Variants in PAPPA2 observed in about 807,000 individuals in gnomAD.
The protein encoded by PAPPA2 is pappalysin 2.
A neutral mutation model predicts 176.4 loss-of-function variants in PAPPA2; 86 were observed. That is an observed-to-expected ratio of 0.49 (90% confidence interval 0.41 to 0.58). PAPPA2 has a LOEUF of 0.58. PAPPA2 is among the 20% of genes least tolerant of loss of function. The pLI is 0.00. For missense variants in PAPPA2, 2,073 were observed against 2,256.9 expected, an observed-to-expected ratio of 0.92 and a Z score of 1.65; for synonymous variants, 809 against 852.2, an observed-to-expected ratio of 0.95 and a Z score of 0.88.
chr1:176,708,007 G>A (rs777502018), intron 10 of PAPPA2, among the ~76,000 whole-genome samples: 10 of 151,980 alleles, frequency 6.6e-5, no homozygotes, highest in South Asian at 6.2e-4. Flanking sequence ...ACATCGAACC[G>A]ATTACCTCCC....
chr1:176,523,270 TCTC>T (rs1348942591), intron 1 of PAPPA2, among the ~76,000 whole-genome samples: 1 of 152,172 alleles, frequency 6.6e-6, no homozygotes, highest in African/African-American at 2.4e-5. Flanking sequence ...ACCTCCACTT[TCTC>T]CTCCCAATTT....
chr1:176,674,747 T>C (rs1030966578), intron 4 of PAPPA2, among the ~76,000 whole-genome samples: 3 of 151,876 alleles, frequency 2.0e-5, no homozygotes, highest in Non-Finnish European at 4.4e-5. Context: ...TTTTTTTTTT[T>C]TTCTTTTCTC....
intron 3 of PAPPA2, among the ~76,000 whole-genome samples, chr1:176,630,788 G>A (rs776837434): frequency 3.3e-5 from 5 of 152,192 alleles, no homozygotes; most frequent in Non-Finnish European, 7.3e-5. Context: ...ATAAAGAATT[G>A]ATGAGAAGCA....
chr1:176,570,344 G>C (rs1304314398), intron 2 of PAPPA2, among the ~76,000 whole-genome samples: 2 of 152,102 alleles, frequency 1.3e-5, no homozygotes, highest in African/African-American at 4.8e-5. Context: ...ACAGTTCCTA[G>C]CTGAGTTTAT....
chr1:176,740,587 C>CA (rs1219278466), intron 14 of PAPPA2, among the ~76,000 whole-genome samples: 1 of 152,114 alleles, frequency 6.6e-6, no homozygotes, highest in African/African-American at 2.4e-5. Flanking sequence ...GTGTATATAG[C>CA]AAGTTTAACA....
chr1:176,725,202 A>G (rs1303808311), intron 12 of PAPPA2, among the ~76,000 whole-genome samples: 1 of 152,232 alleles, frequency 6.6e-6, no homozygotes, highest in Non-Finnish European at 1.5e-5. Context: ...TATAATTTTC[A>G]TATTATTCAT....
At chr1:176,632,534 A>T (rs1656407238) in intron 3 of PAPPA2, among the ~76,000 whole-genome samples, 1 of 152,156 alleles carries the variant, frequency 6.6e-6, no homozygotes, top group African/African-American at 2.4e-5. Context: ...GTCTCAAAAA[A>T]AATAAAAAAT....
At chr1:176,648,017 T>C (rs973274176) in intron 3 of PAPPA2, among the ~76,000 whole-genome samples, 1 of 151,638 alleles carries the variant, frequency 6.6e-6, no homozygotes, top group Non-Finnish European at 1.5e-5. Flanking sequence ...ATTGAATCTG[T>C]CTATTGCTTT....
chr1:176,702,997 C>A (rs1484635612), intron 9 of PAPPA2, among the ~76,000 whole-genome samples: 1 of 152,078 alleles, frequency 6.6e-6, no homozygotes, highest in Non-Finnish European at 1.5e-5. Context: ...TTATAGCTAA[C>A]CCCAGAGTAT....
Position 176,695,966 on chromosome 1 carries a change from ATGTGTGTG to A in PAPPA2, c.2746+141_2746+148del, listed in dbSNP as rs67178111. On this transcript the variant is annotated intron_variant, in intron 7 of 22. Transcript: ENST00000367662. ...GGTGACAAAAAGGCAATGTATGTGT[ATGTGTGTG>A]TGTGTGTGTGTGTGTGTGTGTGTGT... 1,922 of 865,370 alleles carry A rather than the reference ATGTGTGTG, an allele frequency of 2.2e-3. 3 individuals carry two copies. Among genetic ancestry groups the A allele is most frequent in the Middle Eastern group, 6.4e-3 (17 of 2,660 alleles). The allele number at this position is 865,370 out of a possible 1,614,324, so 53.6% of individuals were successfully genotyped here.
rs1199656599 is a variant in PAPPA2 at position 176,690,002 on chromosome 1, G to A, written c.2138-135G>A. The A allele has an allele frequency of 9.0e-6, 7 of 774,778 alleles. No homozygotes were observed. In the South Asian group the frequency reaches 9.4e-5, roughly 10 times the overall value. The allele number at this position is 774,778 out of a possible 1,614,324, so 48.0% of individuals were successfully genotyped here. A position where few individuals can be genotyped will look rare whatever the true frequency, so the allele number is the denominator to read the frequency against. On this transcript the variant is annotated intron_variant, in intron 4 of 22. Coordinates refer to ENST00000367662, the MANE Select transcript of PAPPA2 (RefSeq NM_020318.3). Reference sequence around the variant, plus strand: ...GTGGCAAGAAAGAAAAGCAATGACTGTATGTTACCAGAAGTTATAAAGTGA... The same window carrying A: ...GTGGCAAGAAAGAAAAGCAATGACTATATGTTACCAGAAGTTATAAAGTGA...
rs151114694 is a variant in PAPPA2 at position 176,556,706 on chromosome 1, A to G, written c.384A>G (p.Pro128=). The part of the protein sequence containing the change: ...LRGAVEEPAA[P]WVGDSPIGQS... The stretch of plus-strand genomic sequence containing the variant: ...GTGCAGTTGAAGAGCCGGCTGCCCC[A>G]TGGGTAGGGGATAGTCCTATTGGGC... Residue 128 remains proline (P), a synonymous_variant, in exon 2 of 23, where the codon CCA becomes CCG. Transcript: ENST00000367662. 1.3e-4 allele frequency: 213 copies of G among 1,614,070 alleles called. 1 individual carries two copies. In the African/African-American group the frequency reaches 2.3e-3, roughly 18 times the overall value.
chr1:176,725,619 A>G (rs1282653415), intron 12 of PAPPA2, among the ~76,000 whole-genome samples: 1 of 152,178 alleles, frequency 6.6e-6, no homozygotes, highest in African/African-American at 2.4e-5. Flanking sequence ...AACTGATTGG[A>G]CATAAGGAGA....
intron 17 of PAPPA2, among the ~76,000 whole-genome samples, chr1:176,784,777 G>A (rs1664859800): frequency 6.6e-6 from 1 of 151,852 alleles, no homozygotes; most frequent in African/African-American, 2.4e-5. Context: ...AGTAGAGATG[G>A]GGGTTTCACC....
intron 3 of PAPPA2, among the ~76,000 whole-genome samples, chr1:176,606,678 T>A (rs1156543297): frequency 1.3e-5 from 2 of 152,198 alleles, no homozygotes; most frequent in Non-Finnish European, 2.9e-5. Flanking sequence ...TTGACCAGGC[T>A]GGTCTTGAAA....
rs377442179 is a variant in PAPPA2, at chr1:176,475,933, C to T, written c.-917+12515C>T. ...CTATGATGAAAATGAGAAACAGAAACCAATAATAATTACTGGGCTTGCAGG... is the reference window on the plus strand; with the variant it reads ...CTATGATGAAAATGAGAAACAGAAATCAATAATAATTACTGGGCTTGCAGG... On this transcript the variant is annotated intron_variant, in intron 1 of 22. Coordinates refer to ENST00000367662, the MANE Select transcript of PAPPA2 (RefSeq NM_020318.3). 1.6e-4 allele frequency among the ~76,000 whole-genome samples: 24 copies of T among 152,240 alleles called. No individual in the cohort carries two copies. In the East Asian group the frequency reaches 4.1e-3, roughly 26 times the overall value.
intron 21 of PAPPA2, among the ~76,000 whole-genome samples, chr1:176,823,611 A>G (rs1036258682): frequency 6.6e-6 from 1 of 152,192 alleles, no homozygotes; most frequent in Non-Finnish European, 1.5e-5. Flanking sequence ...CATTTCTTCC[A>G]TCTTATTACT....
chr1:176,692,426 T>C (rs1660161933), intron 6 of PAPPA2, 108 bp downstream of exon 6: 1 of 1,131,728 alleles, frequency 8.8e-7, no homozygotes, highest in East Asian at 2.4e-5. Flanking sequence ...GAAGTATAAA[T>C]GTGTGCACCA....
intron 21 of PAPPA2, among the ~76,000 whole-genome samples, chr1:176,821,906 T>C (rs1197048665): frequency 6.6e-6 from 1 of 152,190 alleles, no homozygotes; most frequent in Non-Finnish European, 1.5e-5. Flanking sequence ...ACACATTCAC[T>C]CCACCCTATG....
Sources: gnomAD v4.1 joint callset for allele counts (sites outside exome capture counted in the v4.1 genomes callset) on GRCh38, gnomAD v4.1.1 for gene constraint, MANE v1.5 for transcripts, NCBI Gene and HGNC (gene_info 2026-07-23, HGNC 2026-07-21) for gene names.